AGBL3: variants seen among roughly 807,000 people sequenced by gnomAD.
The protein encoded by AGBL3 is cytosolic carboxypeptidase 3.
In AGBL3, 68 loss-of-function variants were observed where a neutral mutation model predicts 94.5. The observed-to-expected ratio is 0.72, with a 90% CI of 0.59 to 0.88. AGBL3 has a LOEUF of 0.88. Among genes scored for constraint, AGBL3 ranks in the 40% least tolerant of loss-of-function variants. AGBL3 has a pLI of 0.00. For synonymous variants in AGBL3, 354 were observed against 370.7 expected, an observed-to-expected ratio of 0.95 and a Z score of 0.52; for missense variants, 934 against 1,103.8, an observed-to-expected ratio of 0.85 and a Z score of 2.18.
intron 15 of AGBL3, chr7:135,093,592 C>T (rs1245294044): frequency 6.6e-6 from 1 of 152,060 alleles, no homozygotes; most frequent in Non-Finnish European, 1.5e-5. Flanking sequence ...ACAAAAAACA[C>T]AGTTGAACTG....
chr7:135,120,788 G>A (rs1416918099), intron 16 of AGBL3, among the ~76,000 whole-genome samples: 2 of 152,186 alleles, frequency 1.3e-5, no homozygotes, highest in African/African-American at 4.8e-5. Context: ...AAGCAGAAGT[G>A]GCTATGTTAA....
At chr7:135,027,983 G>A (rs1189829239) in intron 5 of AGBL3, among the ~76,000 whole-genome samples, 3 of 151,598 alleles carry the variant, frequency 2.0e-5, no homozygotes, top group Non-Finnish European at 4.4e-5. Context: ...ATTTTTTGGT[G>A]GTGTCCAAGT....
At chr7:135,002,529 C>G (rs1250623373) in intron 4 of AGBL3, among the ~76,000 whole-genome samples, 4 of 152,210 alleles carry the variant, frequency 2.6e-5, no homozygotes, top group African/African-American at 9.6e-5. Context: ...GGCCCAGAGC[C>G]CCCCACCACA....
intron 12 of AGBL3, among the ~76,000 whole-genome samples, chr7:135,065,690 G>A (rs1249780984): frequency 3.9e-5 from 6 of 152,072 alleles, no homozygotes; most frequent in Admixed American, 6.6e-5. Flanking sequence ...TTAGGAGTTC[G>A]AGACCAGCCT....
At chr7:135,022,704 C>T (rs572396821) in intron 5 of AGBL3, among the ~76,000 whole-genome samples, 2 of 152,214 alleles carry the variant, frequency 1.3e-5, no homozygotes, top group Admixed American at 1.3e-4. Flanking sequence ...GTTGCAATTG[C>T]TTTTGCTCAT....
chr7:135,007,759 C>T (rs1391207338), intron 4 of AGBL3, among the ~76,000 whole-genome samples: 1 of 151,830 alleles, frequency 6.6e-6, no homozygotes, highest in Non-Finnish European at 1.5e-5. Context: ...CATAGAAAAT[C>T]CTAAGCAATC....
intron 15 of AGBL3, among the ~76,000 whole-genome samples, chr7:135,111,564 G>A (rs528079037): frequency 6.6e-6 from 1 of 151,670 alleles, no homozygotes; most frequent in East Asian, 1.9e-4. Flanking sequence ...TCCTAATGTT[G>A]TACACGTCTG....
At chr7:135,008,175 C>CA (rs367983101) in intron 4 of AGBL3, among the ~76,000 whole-genome samples, 83 of 150,118 alleles carry the variant, frequency 5.5e-4, no homozygotes, top group Middle Eastern at 3.4e-3. Context: ...CCAGAATGGC[C>CA]AAAAAAAAGA....
intron 12 of AGBL3, among the ~76,000 whole-genome samples, chr7:135,064,995 C>T (rs1274248243): frequency 1.3e-5 from 2 of 152,116 alleles, no homozygotes; most frequent in Non-Finnish European, 2.9e-5. Flanking sequence ...TGGTTGGTTC[C>T]ATTCTCAGAC....
At chr7:135,047,850 G>C (rs1010387608) in intron 11 of AGBL3, among the ~76,000 whole-genome samples, 1 of 151,868 alleles carries the variant, frequency 6.6e-6, no homozygotes, top group East Asian at 1.9e-4. Context: ...TTCCTTGGTT[G>C]TACAGAAGCG....
chr7:135,096,623 A>AGATAGATAGATG (rs1563260394), intron 15 of AGBL3, among the ~76,000 whole-genome samples: 2 of 149,726 alleles, frequency 1.3e-5, no homozygotes, highest in African/African-American at 4.9e-5. Context: ...ATAGATAGAT[A>AGATAGATAGATG]GGGCTATTCT....
intron 15 of AGBL3, chr7:135,099,937 G>C (rs1198434087): frequency 1.6e-4 from 21 of 130,602 alleles, no homozygotes; most frequent in African/African-American, 6.0e-4. Context: ...GCCCAGGCTG[G>C]AGTGCAGTGG....
intron 4 of AGBL3, among the ~76,000 whole-genome samples, chr7:135,001,876 T>G (rs1437646730): frequency 6.6e-6 from 1 of 152,244 alleles, no homozygotes; most frequent in East Asian, 1.9e-4. Flanking sequence ...CTTGTCATTT[T>G]GCATTTCCTT....
intron 15 of AGBL3, among the ~76,000 whole-genome samples, chr7:135,102,889 C>CA (rs1205796343): frequency 1.3e-5 from 2 of 152,048 alleles, no homozygotes; most frequent in Non-Finnish European, 2.9e-5. Context: ...AAATAGTACT[C>CA]ATAAACACCA....
intron 5 of AGBL3, among the ~76,000 whole-genome samples, chr7:135,022,563 G>A (rs4507695): frequency 0.93 from 141,586 of 152,074 alleles, 66,680 homozygotes; most frequent in Non-Finnish European, 1. Context: ...GATATTAGAC[G>A]TTTGTTAGAT....
At chr7:135,063,652 A>G (rs891259244) in intron 12 of AGBL3, among the ~76,000 whole-genome samples, 1 of 152,006 alleles carries the variant, frequency 6.6e-6, no homozygotes, top group Non-Finnish European at 1.5e-5. Context: ...TCAGGAGTGT[A>G]TTATTTAATT....
intron 16 of AGBL3, among the ~76,000 whole-genome samples, chr7:135,124,220 CAA>C (rs369396148): frequency 3.6e-5 from 5 of 138,182 alleles, no homozygotes; most frequent in Middle Eastern, 3.7e-3. Flanking sequence ...AAATGGAAAG[CAA>C]AAAAAAAAAA....
chr7:135,121,513 A>G (rs771769235), intron 16 of AGBL3, among the ~76,000 whole-genome samples: 4 of 151,986 alleles, frequency 2.6e-5, no homozygotes, highest in Admixed American at 6.6e-5. Context: ...TCTGACCACA[A>G]TGGAATCCAA....
chr7:135,082,278 C>T (rs1416985446), intron 15 of AGBL3, among the ~76,000 whole-genome samples: 2 of 152,090 alleles, frequency 1.3e-5, no homozygotes, highest in African/African-American at 4.8e-5. Flanking sequence ...GTAAATAATT[C>T]CAACTGACTC....
Sources: allele counts gnomAD v4.1 joint callset (sites outside exome capture counted in the v4.1 genomes callset), GRCh38; gene constraint gnomAD v4.1.1; transcripts MANE v1.5; gene names NCBI Gene and HGNC (gene_info 2026-07-23, HGNC 2026-07-21).